MBOAT2: variants seen among roughly 807,000 people sequenced by gnomAD.
MBOAT2 encodes membrane bound glycerophospholipid O-acyltransferase 2, also known as membrane-bound glycerophospholipid O-acyltransferase 2.
In MBOAT2, 28 loss-of-function variants were observed where a neutral mutation model predicts 63.4. That is an observed-to-expected ratio of 0.44 (90% CI 0.33 to 0.61). The LOEUF is 0.61. Ranked by LOEUF, MBOAT2 falls within the 20% of genes least tolerant of loss-of-function variation. MBOAT2 has a pLI of 0.03. For synonymous variants in MBOAT2, 211 were observed against 215.6 expected (o/e 0.98, Z 0.19); for missense variants, 470 against 605.8 (o/e 0.78, Z 2.35).
At chr2:8,925,714 T>A (rs1666885854) in intron 3 of MBOAT2, among the ~76,000 whole-genome samples, 1 of 152,174 alleles carries the variant, frequency 6.6e-6, no homozygotes, top group Non-Finnish European at 1.5e-5. Flanking sequence ...CCATCCTGAG[T>A]TTGAAGTCCA....
At chr2:8,925,123 GA>G (rs984295466) in intron 3 of MBOAT2, among the ~76,000 whole-genome samples, 1 of 151,770 alleles carries the variant, frequency 6.6e-6, no homozygotes, top group African/African-American at 2.4e-5. Context: ...CCAGGACTTT[GA>G]AAAAAAATGT....
chr2:8,932,801 A>T (rs1458526919), intron 3 of MBOAT2, among the ~76,000 whole-genome samples: 1 of 151,866 alleles, frequency 6.6e-6, no homozygotes, highest in Non-Finnish European at 1.5e-5. Flanking sequence ...AAATCACTCC[A>T]TCATTCAAAT....
At chr2:8,861,061 T>C (rs1221605954) in intron 11 of MBOAT2, 1 of 175,842 alleles carries the variant, frequency 5.7e-6, no homozygotes, top group Non-Finnish European at 1.2e-5. Context: ...AACTTTTCTG[T>C]AGATTAGATT....
intron 2 of MBOAT2, among the ~76,000 whole-genome samples, chr2:8,952,901 G>T (rs1009132484): frequency 2.6e-5 from 4 of 152,150 alleles, no homozygotes; most frequent in African/African-American, 7.2e-5. Context: ...AACCGCAGAA[G>T]AATGGGTCTT....
intron 1 of MBOAT2, among the ~76,000 whole-genome samples, chr2:8,960,974 G>A (rs1397794236): frequency 6.6e-6 from 1 of 152,172 alleles, no homozygotes; most frequent in Non-Finnish European, 1.5e-5. Context: ...GGGAGATGAG[G>A]CTGGAAGCAG....
In MBOAT2 at chr2:8,912,418, AGGCC is replaced by A. The variant is rs759340359; in HGVS notation, c.300-3706_300-3703del. On this transcript the variant is annotated intron_variant, in intron 3 of 12. Coordinates refer to ENST00000305997, the MANE Select transcript of MBOAT2 (RefSeq NM_138799.4). ...AAGAAAGAAAGAAAGAAAGAAAGAC[AGGCC>A]GGCCGGCCTTGAAAACCCTAAGGAC... is the stretch of plus-strand genomic sequence containing the variant. Among the ~76,000 whole-genome samples, 100 of 147,036 alleles carry A rather than the reference AGGCC, an allele frequency of 6.8e-4. 2 individuals are homozygous for A. Among genetic ancestry groups the A allele is most frequent in the African/African-American group, 2.2e-3 (82 of 37,620 alleles).
intron 6 of MBOAT2, among the ~76,000 whole-genome samples, chr2:8,879,755 A>G (rs1414063413): frequency 6.6e-6 from 1 of 152,188 alleles, no homozygotes; most frequent in Non-Finnish European, 1.5e-5. Context: ...ATCACTCCAA[A>G]TAATGACCAC....
chr2:8,877,812 C>T (rs1030755817), intron 6 of MBOAT2, among the ~76,000 whole-genome samples: 2 of 151,846 alleles, frequency 1.3e-5, no homozygotes, highest in African/African-American at 2.4e-5. Context: ...GGGTTCCAGG[C>T]AGAGGGAATG....
At chr2:9,000,422 C>T (rs1369331121) in intron 1 of MBOAT2, among the ~76,000 whole-genome samples, 1 of 152,058 alleles carries the variant, frequency 6.6e-6, no homozygotes, top group Non-Finnish European at 1.5e-5. Context: ...TTAGTTATTC[C>T]AACAGCTTCA....
intron 7 of MBOAT2, among the ~76,000 whole-genome samples, chr2:8,873,781 C>T (rs1174055614): frequency 6.6e-6 from 1 of 152,070 alleles, no homozygotes; most frequent in Non-Finnish European, 1.5e-5. Context: ...GTTAACACAA[C>T]TTTGTTCAAG....
chr2:8,907,579 C>G (rs1295930643), intron 4 of MBOAT2, among the ~76,000 whole-genome samples: 1 of 152,198 alleles, frequency 6.6e-6, no homozygotes, highest in South Asian at 2.1e-4. Flanking sequence ...TATCCATAAA[C>G]TAGATGGCCA....
At chr2:8,863,594 CCT>C (rs1355945304) in intron 10 of MBOAT2, among the ~76,000 whole-genome samples, 1 of 152,282 alleles carries the variant, frequency 6.6e-6, no homozygotes, top group Non-Finnish European at 1.5e-5. Flanking sequence ...TTCCCGCATC[CCT>C]CTGTGCCCTC....
chr2:8,931,783 C>T (rs1416492439), intron 3 of MBOAT2, among the ~76,000 whole-genome samples: 1 of 152,048 alleles, frequency 6.6e-6, no homozygotes, highest in African/African-American at 2.4e-5. Context: ...GGAAGGGATC[C>T]AGATTCAATT....
chr2:8,870,099 A>C (rs1372560246), intron 8 of MBOAT2, among the ~76,000 whole-genome samples: 1 of 152,182 alleles, frequency 6.6e-6, no homozygotes, highest in African/African-American at 2.4e-5. Flanking sequence ...CCAAGTTGTC[A>C]TTATATAGAG....
rs1553346386 is a variant in MBOAT2, at chr2:8,856,312, A to AAAAC, written c.*2366_*2367insGTTT. The AAAAC allele has an allele frequency of 6.3e-5, 9 of 143,830 alleles. No homozygotes were observed. The South Asian group carries it at 6.4e-4, about 10-fold the overall frequency. The allele number at this position is 143,830 out of a possible 1,614,324, so 8.9% of individuals were successfully genotyped here. ...GGCTAGATAGGCTGAACCAAAAAAA[A>AAAAC]ACACACACACACACACACACACACA... On this transcript the variant is annotated 3_prime_UTR_variant, in exon 13 of 13. Transcript: ENST00000305997. The surrounding 1 kb of genome is among the most constrained non-coding windows in gnomAD (Gnocchi z 4.2).
intron 4 of MBOAT2, among the ~76,000 whole-genome samples, chr2:8,900,659 G>A (rs1664853982): frequency 2.0e-5 from 3 of 152,146 alleles, no homozygotes. Context: ...AGAAAGGGGA[G>A]CTATAGGGAG....
chr2:8,928,307 A>G (rs1667072653), intron 3 of MBOAT2, among the ~76,000 whole-genome samples: 1 of 152,156 alleles, frequency 6.6e-6, no homozygotes, highest in African/African-American at 2.4e-5. Context: ...CAGATTTCAG[A>G]TAGAGCAGCA....
intron 3 of MBOAT2, among the ~76,000 whole-genome samples, chr2:8,930,263 A>G (rs1469491684): frequency 6.6e-6 from 1 of 152,190 alleles, no homozygotes; most frequent in East Asian, 1.9e-4. Flanking sequence ...AAGAGTTTAA[A>G]CGGTGATCAA....
intron 9 of MBOAT2, among the ~76,000 whole-genome samples, chr2:8,865,817 G>A (rs112331021): frequency 3.3e-5 from 5 of 152,230 alleles, no homozygotes; most frequent in Admixed American, 6.5e-5. Context: ...TGGGTAGATC[G>A]CCTGAAGTCA....
Sources: gnomAD v4.1 joint callset for allele counts (sites outside exome capture counted in the v4.1 genomes callset) on GRCh38, gnomAD v4.1.1 for gene constraint, Gnocchi (gnomAD v3.1) non-coding constraint, MANE v1.5 for transcripts, NCBI Gene and HGNC (gene_info 2026-07-23, HGNC 2026-07-21) for gene names.